The following LINGO2 variants were observed in gnomAD, a reference collection of about 807,000 sequenced individuals.
The protein encoded by LINGO2 is leucine-rich repeat and immunoglobulin-like domain-containing nogo receptor-interacting protein 2.
In LINGO2, 14 loss-of-function variants were observed where a neutral mutation model predicts 30.6. That is an observed-to-expected ratio of 0.46 (90% confidence interval 0.30 to 0.72). The LOEUF (loss-of-function observed/expected upper bound fraction) is 0.72, where lower values mean the gene tolerates loss of function less well. LINGO2 is among the 30% of genes least tolerant of loss of function. The pLI, the probability that LINGO2 is intolerant of heterozygous loss-of-function variation, is 0.07. For missense variants in LINGO2, 729 were observed against 751.7 expected (o/e 0.97, Z 0.35); for synonymous variants, 317 against 288.5 (o/e 1.10, Z -1.00).
intron 3 of LINGO2, among the ~76,000 whole-genome samples, chr9:28,340,027 T>A (rs1335224928): frequency 1.3e-5 from 2 of 152,288 alleles, no homozygotes; most frequent in South Asian, 2.1e-4. Flanking sequence ...AAGAGTCTGG[T>A]CTGCAACTCT....
chr9:28,112,071 C>T (rs1826816257), intron 4 of LINGO2, among the ~76,000 whole-genome samples: 1 of 103,492 alleles, frequency 9.7e-6, no homozygotes, highest in Admixed American at 1.0e-4. Flanking sequence ...CCCCCGACCC[C>T]ACCACAGTCC....
intron 2 of LINGO2, among the ~76,000 whole-genome samples, chr9:28,427,987 T>G (rs1470729441): frequency 2.0e-5 from 3 of 150,546 alleles, no homozygotes; most frequent in Admixed American, 2.0e-4. Context: ...GTAAACAGTA[T>G]CACATCTGTT....
intron 4 of LINGO2, among the ~76,000 whole-genome samples, chr9:28,202,646 A>G (rs1371625953): frequency 6.6e-6 from 1 of 152,116 alleles, no homozygotes; most frequent in Non-Finnish European, 1.5e-5. Flanking sequence ...GGGGCTATCA[A>G]TGCAGAAAAA....
intron 1 of LINGO2, among the ~76,000 whole-genome samples, chr9:28,528,046 C>T (rs1441762790): frequency 6.6e-6 from 1 of 152,040 alleles, no homozygotes; most frequent in Non-Finnish European, 1.5e-5. Flanking sequence ...TTTTCTTCTC[C>T]ACACTGATGT....
the LINGO2 span, among the ~76,000 whole-genome samples, chr9:29,177,875 C>CTCTTTCTCTT: frequency 6.6e-6 from 1 of 151,278 alleles, no homozygotes. Flanking sequence ...TTGACCCCTT[C>CTCTTTCTCTT]TCTCTTTCTC....
In LINGO2 at chr9:28,546,181, C is replaced by G. The variant is rs111538752; in HGVS notation, c.-364-70156G>C. 3.4e-3 allele frequency among the ~76,000 whole-genome samples: 520 copies of G among 152,070 alleles called. 8 individuals are homozygous for G. Among genetic ancestry groups the G allele is most frequent in the African/African-American group, 0.012 (497 of 41,522 alleles). ...AAAGGCCTTTAGATCGATTAGTTTT[C>G]TTTTAATATAAATAGGTTTTGGTAG... On this transcript the variant is annotated intron_variant, in intron 1 of 5. Coordinates refer to ENST00000379992, the Ensembl canonical transcript of LINGO2.
At chr9:28,973,309 C>A in the LINGO2 span, among the ~76,000 whole-genome samples, 2 of 152,074 alleles carry the variant, frequency 1.3e-5, no homozygotes, top group African/African-American at 4.8e-5. Flanking sequence ...AAATAACATA[C>A]AATGGTGCTC....
intron 5 of LINGO2, among the ~76,000 whole-genome samples, chr9:27,976,171 A>G (rs1325068832): frequency 6.6e-6 from 1 of 152,168 alleles, no homozygotes; most frequent in African/African-American, 2.4e-5. Flanking sequence ...TAACATATGT[A>G]AAGTGCTTAG....
chr9:28,920,822 C>G, the LINGO2 span, among the ~76,000 whole-genome samples: 1 of 152,008 alleles, frequency 6.6e-6, no homozygotes, highest in Non-Finnish European at 1.5e-5. Flanking sequence ...TAGTTTAAAC[C>G]CCTGGCCACA....
intron 4 of LINGO2, among the ~76,000 whole-genome samples, chr9:28,222,910 G>A: frequency 6.6e-6 from 1 of 152,076 alleles, no homozygotes; most frequent in Non-Finnish European, 1.5e-5. Flanking sequence ...GTACTCTCGG[G>A]GAACAGCTGG....
the LINGO2 span, among the ~76,000 whole-genome samples, chr9:28,850,240 G>A: frequency 6.6e-6 from 1 of 152,130 alleles, no homozygotes; most frequent in East Asian, 1.9e-4. Flanking sequence ...ATTAAAAGAA[G>A]TAGAGTCTAC....
At chr9:28,110,785 G>T in intron 4 of LINGO2, among the ~76,000 whole-genome samples, 1 of 152,192 alleles carries the variant, frequency 6.6e-6, no homozygotes, top group East Asian at 1.9e-4. Context: ...TACACTGTTA[G>T]TGGGAGTGTA....
chr9:28,989,506 G>C, the LINGO2 span, among the ~76,000 whole-genome samples: 3 of 152,080 alleles, frequency 2.0e-5, no homozygotes, highest in Non-Finnish European at 4.4e-5. Flanking sequence ...TATTAGACTA[G>C]AATCTAGAGC....
chr9:28,719,960 T>C, the LINGO2 span, among the ~76,000 whole-genome samples: 1 of 152,034 alleles, frequency 6.6e-6, no homozygotes, highest in African/African-American at 2.4e-5. Flanking sequence ...CAGTAACAAA[T>C]CTTAGTGTTT....
chr9:28,766,163 CT>C, the LINGO2 span, among the ~76,000 whole-genome samples: 2 of 151,938 alleles, frequency 1.3e-5, no homozygotes, highest in African/African-American at 4.8e-5. Context: ...AGGCTGCCTA[CT>C]ATTTGGGAGA....
chr9:28,903,875 C>A, the LINGO2 span, among the ~76,000 whole-genome samples: 1 of 151,418 alleles, frequency 6.6e-6, no homozygotes, highest in Non-Finnish European at 1.5e-5. Flanking sequence ...CCAATGGGGC[C>A]TGCATTTGCC....
At chr9:28,935,020 G>A in the LINGO2 span, among the ~76,000 whole-genome samples, 1 of 151,968 alleles carries the variant, frequency 6.6e-6, no homozygotes, top group East Asian at 1.9e-4. Context: ...AAGAAACCAC[G>A]TCAAAATCCA....
At chr9:28,543,747 G>T (rs1467664107) in intron 1 of LINGO2, among the ~76,000 whole-genome samples, 1 of 151,946 alleles carries the variant, frequency 6.6e-6, no homozygotes, top group Non-Finnish European at 1.5e-5. Context: ...ATATTTCCTT[G>T]CTTTTAATCA....
intron 1 of LINGO2, among the ~76,000 whole-genome samples, chr9:28,587,193 C>G (rs1041266796): frequency 3.3e-5 from 5 of 151,984 alleles, no homozygotes; most frequent in Non-Finnish European, 7.4e-5. Context: ...TCAGCTGTTA[C>G]TTGCCCCCAA....
Sources: allele counts gnomAD v4.1 joint callset (sites outside exome capture counted in the v4.1 genomes callset), GRCh38; gene constraint gnomAD v4.1.1; transcripts MANE v1.5; gene names NCBI Gene and HGNC (gene_info 2026-07-23, HGNC 2026-07-21).